Variants in SMPD2 observed in about 807,000 individuals in gnomAD.
The protein encoded by SMPD2 is N-SMase.
Under a neutral mutation model 41.7 loss-of-function variants are expected in SMPD2, and 35 were observed. The ratio of observed to expected loss-of-function variants is 0.84; its 90% CI spans 0.64 to 1.11. The LOEUF is 1.11. SMPD2 is among the 50% of genes most tolerant of loss of function. SMPD2 has a pLI of 0.00. For missense variants in SMPD2, 520 were observed against 524.8 expected (o/e 0.99, Z 0.09); for synonymous variants, 201 against 208.2 (o/e 0.97, Z 0.30).
Position 109,442,881 on chromosome 6 carries a change from C to G in SMPD2, c.621C>G (p.Phe207Leu). ...ATGCCTATCTTGAAACTCGGGACTT[C>G]AAGGTGAGGACTTGCCTGTTACTTC... ...LHDAYLETRD[F>L]KGSEEGNTMV... is the part of the protein sequence containing the mutation. The change falls in exon 7 of 10, where the codon TTC becomes TTG. Residue 207 changes from phenylalanine to leucine, a missense_variant. Phe to Leu is a conservative substitution (Grantham distance 22). Coordinates refer to ENST00000258052, the MANE Select transcript of SMPD2 (RefSeq NM_003080.3). 6.2e-7 allele frequency: 1 copy of G among 1,612,700 alleles called. No individual in the cohort carries two copies. The highest frequency in any genetic ancestry group is 8.5e-7 in the Non-Finnish European group (1 of 1,178,768).
chr6:109,441,435 C>G lies in SMPD2; in HGVS notation c.129C>G (p.Asp43Glu), dbSNP rs2115313853. The change falls in exon 2 of 10, where the codon GAC becomes GAG. Residue 43 changes from aspartate (D) to glutamate (E), a missense_variant. Asp to Glu is a conservative substitution (Grantham distance 45). Coordinates refer to ENST00000258052, the MANE Select transcript of SMPD2 (RefSeq NM_003080.3). ...ACTTTCTGAACCAGGAGAGCTTCGACCTGGCTTTGCTGGAGGAGGTGAGAT... is the reference window on the plus strand; with the variant it reads ...ACTTTCTGAACCAGGAGAGCTTCGAGCTGGCTTTGCTGGAGGAGGTGAGAT... ...LGDFLNQESF[D>E]LALLEEVWSE... 1 of 1,614,184 alleles carries G rather than the reference C, an allele frequency of 6.2e-7. No individual in the cohort carries two copies. The highest frequency in any genetic ancestry group is 2.2e-5 in the East Asian group (1 of 44,874).
In SMPD2 at chr6:109,441,041, G is replaced by A. The variant is rs1427620168; in HGVS notation, c.-81G>A. On this transcript the variant is annotated 5_prime_UTR_variant, in exon 1 of 10. Transcript: ENST00000258052. ...CGAAGAAGGAACGGTCTGGGGAGAA[G>A]GCGCCGCCGGCCGCCCCCGTCCCCA... 6.2e-6 allele frequency: 9 copies of A among 1,450,570 alleles called. No homozygotes were observed. Among genetic ancestry groups the A allele is most frequent in the Non-Finnish European group, 8.7e-6 (9 of 1,036,036 alleles). 89.9% of individuals were successfully genotyped at this position (1,450,570 alleles called of 1,614,324 possible). A position where few individuals can be genotyped will look rare whatever the true frequency, so the allele number is the denominator to read the frequency against.
rs1774886185 is a variant in SMPD2, at chr6:109,441,573, C to T, written c.169C>T (p.Gln57Ter). The stretch of plus-strand genomic sequence containing the variant: ...TCAGGTGTGGAGTGAGCAGGACTTC[C>T]AGTACCTGAGACAGAAGCTGTCACC... ...LEEVWSEQDFQYLRQKLSPTY... is the reference protein window; with the variant it reads ...LEEVWSEQDF The change falls in exon 3 of 10, where the codon CAG (glutamine) becomes TAG (stop). Residue 57 changes from glutamine to a stop codon, truncating the protein, a stop_gained. Transcript: ENST00000258052. LOFTEE classifies it high-confidence loss of function. The T allele has an allele frequency of 3.7e-6, 6 of 1,614,194 alleles. No homozygotes were observed. The East Asian group carries it at 1.1e-4, about 30-fold the overall frequency.
intron 4 of SMPD2, 62 bp from the exon 5 acceptor site, chr6:109,442,148 T>C (rs2115315905): frequency 1.3e-6 from 2 of 1,594,848 alleles, no homozygotes; most frequent in East Asian, 2.2e-5. Flanking sequence ...CTCTGAGAGC[T>C]GCAGGGGATG....
rs1189310246 is a variant in SMPD2, at chr6:109,442,258, C to T, written c.367C>T (p.Leu123Phe). Residue 123 changes from leucine to phenylalanine, a missense_variant, in exon 5 of 10, where the codon CTC becomes TTC. Coordinates refer to ENST00000258052, the MANE Select transcript of SMPD2 (RefSeq NM_003080.3). ...TGGGAAGGCTGTGGGGCTGCTGGTG[C>T]TCCATCTAAGTGGCATGGTGCTCAA... ...FSGKAVGLLVLHLSGMVLNAY... is the reference protein window; with the variant it reads ...FSGKAVGLLVFHLSGMVLNAY... The T allele has an allele frequency of 1.9e-6, 3 of 1,614,050 alleles. No individual in the cohort carries two copies. The African/African-American group carries it at 4.0e-5, about 22-fold the overall frequency.
Position 109,443,054 on chromosome 6 carries a change from T to G in SMPD2, c.702T>G (p.Gly234=). ...AGGAGCTGAAGCCATTTCCCTTTGG[T>G]GTCCGCATTGACTACGTGCTTTACA... ...SQQELKPFPF[G]VRIDYVLYKA... Residue 234 remains glycine, a synonymous_variant, in exon 8 of 10, where the codon GGT becomes GGG. Transcript: ENST00000258052. 6.2e-7 allele frequency: 1 copy of G among 1,614,188 alleles called. No individual in the cohort carries two copies. The highest frequency in any genetic ancestry group is 8.5e-7 in the Non-Finnish European group (1 of 1,180,000).
In SMPD2 at chr6:109,441,374, G is replaced by T. The variant is rs771737391; in HGVS notation, c.68G>T (p.Ser23Ile). The T allele has an allele frequency of 3.1e-6, 5 of 1,613,948 alleles. No homozygotes were observed. The Admixed American group carries it at 8.3e-5, about 27-fold the overall frequency. ...TTCCTTAGGGGCATTCCGTACTTGAGCAAGCACCGGGCCGACCGCATGAGG... is the reference window on the plus strand; with the variant it reads ...TTCCTTAGGGGCATTCCGTACTTGATCAAGCACCGGGCCGACCGCATGAGG... ...NLNCWGIPYL[S>I]KHRADRMRRL... Residue 23 changes from serine (S) to isoleucine (I), a missense_variant, in exon 2 of 10, where the codon AGC becomes ATC. By Grantham distance (142) the Ser-to-Ile change is moderately radical. Coordinates refer to ENST00000258052, the MANE Select transcript of SMPD2 (RefSeq NM_003080.3).
chr6:109,442,799 A>G lies in SMPD2; in HGVS notation c.539A>G (p.Asn180Ser), dbSNP rs1026306499. 8 of 1,614,196 alleles carry G rather than the reference A, an allele frequency of 5.0e-6. No homozygotes were observed. Among genetic ancestry groups the G allele is most frequent in the Non-Finnish European group, 5.9e-6 (7 of 1,180,044 alleles). Residue 180 changes from asparagine (N) to serine (S), a missense_variant, in exon 7 of 10, where the codon AAC becomes AGC. By Grantham distance (46) the Asn-to-Ser change is conservative. Coordinates refer to ENST00000258052, the MANE Select transcript of SMPD2 (RefSeq NM_003080.3). ...ADVVLLCGDL[N>S]MHPEDLGCCL... The stretch of plus-strand genomic sequence containing the variant: ...GTGGTTCTGTTGTGTGGAGACCTCA[A>G]CATGCACCCAGAAGACCTGGGCTGC...
Position 109,442,040 on chromosome 6 carries a change from C to A in SMPD2, c.291C>A (p.Ile97=). Residue 97 remains isoleucine, a synonymous_variant, in exon 4 of 10, where the codon ATC becomes ATA. Transcript: ENST00000258052. Reference sequence around the variant, plus strand: ...CAATCCAGGAGCTTACCCAGCACATCTACACTCTCAATGGCTACCCCTACA... The same window carrying A: ...CAATCCAGGAGCTTACCCAGCACATATACACTCTCAATGGCTACCCCTACA... ...KHPIQELTQH[I]YTLNGYPYMI... 6.2e-7 allele frequency: 1 copy of A among 1,613,802 alleles called. No homozygotes were observed. Among genetic ancestry groups the A allele is most frequent in the South Asian group, 1.1e-5 (1 of 91,078 alleles).
At position 109,442,398 on chromosome 6, in the gene SMPD2, G is replaced by T. The variant is rs1007259932; in HGVS notation, c.408+99G>T. On this transcript the variant is annotated intron_variant, in intron 5 of 9. Coordinates refer to ENST00000258052, the MANE Select transcript of SMPD2 (RefSeq NM_003080.3). Reference sequence around the variant, plus strand: ...GCTCTCATACCTGGGGATGAGGTGTGGGGGCAAGATCTTATAAGGAAGCAA... The same window carrying T: ...GCTCTCATACCTGGGGATGAGGTGTTGGGGCAAGATCTTATAAGGAAGCAA... 3.6e-6 allele frequency: 5 copies of T among 1,379,800 alleles called. No homozygotes were observed. The African/African-American group carries it at 4.3e-5, about 12-fold the overall frequency. The allele number at this position is 1,379,800 out of a possible 1,614,324, so 85.5% of individuals were successfully genotyped here.
At chr6:109,441,193 G>A (rs773804768) in intron 1 of SMPD2, 22 bp downstream of exon 1, 50 of 1,613,782 alleles carry the variant, frequency 3.1e-5, no homozygotes, top group Non-Finnish European at 4.2e-5. Flanking sequence ...TGCGGAGTGC[G>A]GTCTGGGGGC....
At chr6:109,443,457 G>C (rs781256102) in intron 9 of SMPD2, 37 bp downstream of exon 9, 17 of 1,610,134 alleles carry the variant, frequency 1.1e-5, no homozygotes, top group Non-Finnish European at 1.3e-5. Context: ...CCCTTGCCCC[G>C]CTTGAAGCAG....
intron 1 of SMPD2, 63 bp downstream of exon 1, chr6:109,441,234 T>C: frequency 6.3e-6 from 10 of 1,595,640 alleles, no homozygotes; most frequent in East Asian, 4.5e-5. Context: ...GCAGCCTTCC[T>C]CCCCCTATCC....
rs774554964 is a variant in SMPD2 at position 109,441,169 on chromosome 6, C to CTGG, written c.50+1_50+3dup. On this transcript the variant is annotated inframe_insertion and splice_region_variant, in exon 1 of 10. Coordinates refer to ENST00000258052, the MANE Select transcript of SMPD2 (RefSeq NM_003080.3). ...GACTGCGGATCTTCAACCTCAACTG[C>CTGG]TGGTGAGTGCGTCTGCGGAGTGCGG... The CTGG allele has an allele frequency of 1.2e-6, 2 of 1,614,152 alleles. No individual in the cohort carries two copies. Among genetic ancestry groups the CTGG allele is most frequent in the South Asian group, 2.2e-5 (2 of 91,084 alleles).
rs750130057 is a variant in SMPD2 at position 109,442,589 on chromosome 6, G to A, written c.455G>A (p.Arg152His). ...NRQKDIYLAHRVAQAWELAQF... is the reference protein window; with the variant it reads ...NRQKDIYLAHHVAQAWELAQF... ...CAGAAGGACATCTACCTAGCACATC[G>A]TGTGGCCCAAGCTTGGGAATTGGCC... Residue 152 changes from arginine to histidine, a missense_variant, in exon 6 of 10, where the codon CGT becomes CAT. Physicochemically the swap from Arg to His is conservative, Grantham distance 29 (BLOSUM62 0). Coordinates refer to ENST00000258052, the MANE Select transcript of SMPD2 (RefSeq NM_003080.3). The A allele has an allele frequency of 1.9e-5, 30 of 1,614,014 alleles. No individual in the cohort carries two copies. The highest frequency in any genetic ancestry group is 8.9e-5 in the East Asian group (4 of 44,890).
At position 109,441,364 on chromosome 6, in the gene SMPD2, C is replaced by A. The variant is rs1366752958; in HGVS notation, c.58C>A (p.Pro20Thr). 6.2e-7 allele frequency: 1 copy of A among 1,613,790 alleles called. No homozygotes were observed. The highest frequency in any genetic ancestry group is 2.2e-5 in the East Asian group (1 of 44,890). The change falls in exon 2 of 10, where the codon CCG (proline) becomes ACG (threonine). Residue 20 changes from proline to threonine, a missense_variant. Physicochemically the swap from Pro to Thr is conservative, Grantham distance 38 (BLOSUM62 -1). Transcript: ENST00000258052. ...CGCTCTTCCCTTCCTTAGGGGCATT[C>A]CGTACTTGAGCAAGCACCGGGCCGA... ...RIFNLNCWGI[P>T]YLSKHRADRM...
At chr6:109,441,694 C>G (rs1774896343) in intron 3 of SMPD2, 66 bp downstream of exon 3, 2 of 1,415,842 alleles carry the variant, frequency 1.4e-6, no homozygotes, top group African/African-American at 1.4e-5. Flanking sequence ...CCAGCCCTTC[C>G]CTATCCTGCC....
chr6:109,441,982 T>C lies in SMPD2; in HGVS notation c.233T>C (p.Ile78Thr), dbSNP rs574959993. The part of the protein sequence containing the change: ...PAAHHFRSGI[I>T]GSGLCVFSKH... ...CAGGGCTTGGCTTTCAGCGGAATCA[T>C]TGGCAGTGGCCTCTGTGTCTTCTCC... The change falls in exon 4 of 10, where the codon ATT becomes ACT. Residue 78 changes from isoleucine (I) to threonine (T), a missense_variant. Coordinates refer to ENST00000258052, the MANE Select transcript of SMPD2 (RefSeq NM_003080.3). The C allele has an allele frequency of 3.2e-5, 51 of 1,614,180 alleles. No individual in the cohort carries two copies. The South Asian group carries it at 4.9e-4, about 16-fold the overall frequency.
chr6:109,443,396 C>T lies in SMPD2; in HGVS notation c.859C>T (p.Gln287Ter), dbSNP rs1480699315. 2 of 1,614,024 alleles carry T rather than the reference C, an allele frequency of 1.2e-6. No homozygotes were observed. ...TCTGTTTGTGAGGCACAGCCCCCCA[C>T]AGCAGAACCCCAGCTCTACCCACGG... ...ATLFVRHSPP[Q>*]QNPSSTHGPA... Residue 287 changes from glutamine to a stop codon, truncating the protein, a stop_gained, in exon 9 of 10, where the codon CAG becomes TAG. Transcript: ENST00000258052. LOFTEE classifies it low-confidence loss of function (END_TRUNC).
Sources: allele counts gnomAD v4.1 joint callset, GRCh38; gene constraint gnomAD v4.1.1; transcripts MANE v1.5; gene names NCBI Gene and HGNC (gene_info 2026-07-23, HGNC 2026-07-21).